The following CPAMD8 variants were observed in gnomAD, a reference collection of about 807,000 sequenced individuals.
The protein encoded by CPAMD8 is C3 and PZP-like alpha-2-macroglobulin domain-containing protein 8.
Under a neutral mutation model 224.7 loss-of-function variants are expected in CPAMD8, and 146 were observed. The observed-to-expected ratio is 0.65, with a 90% CI of 0.57 to 0.75. CPAMD8 has a LOEUF of 0.75. CPAMD8 is among the 30% of genes least tolerant of loss of function. The pLI is 0.00. For synonymous variants in CPAMD8, 966 were observed against 1,044.6 expected, an observed-to-expected ratio of 0.92 and a Z score of 1.45; for missense variants, 2,301 against 2,537.5, an observed-to-expected ratio of 0.91 and a Z score of 2.00.
intron 11 of CPAMD8, among the ~76,000 whole-genome samples, chr19:16,996,763 G>A (rs2056136889): frequency 6.7e-6 from 1 of 148,536 alleles, no homozygotes; most frequent in South Asian, 2.1e-4. Flanking sequence ...AGGTTGCAGT[G>A]AGCCGAGATG....
At chr19:17,001,242 G>A (rs1306573407) in intron 9 of CPAMD8, among the ~76,000 whole-genome samples, 1 of 145,446 alleles carries the variant, frequency 6.9e-6, no homozygotes, top group Non-Finnish European at 1.5e-5. Context: ...AGAATCAATT[G>A]AGCCCGGTAG....
intron 13 of CPAMD8, among the ~76,000 whole-genome samples, chr19:16,984,173 T>G (rs541562825): frequency 6.6e-6 from 1 of 151,932 alleles, no homozygotes; most frequent in South Asian, 2.1e-4. Flanking sequence ...AGTTGGTCTG[T>G]GGGTGGTGGC....
Position 16,939,872 on chromosome 19 carries a change from C to CT in CPAMD8, c.2794-1427dup, listed in dbSNP as rs374129699. The stretch of plus-strand genomic sequence containing the variant: ...ACCACTGGCTTTACTGGGTCTTTAG[C>CT]TTTTTTGTTGTTGTTGTTGTTGTTT... On this transcript the variant is annotated intron_variant, in intron 22 of 41. Transcript: ENST00000443236. Among the ~76,000 whole-genome samples the CT allele has an allele frequency of 1.2e-3, 180 of 151,870 alleles. 3 individuals are homozygous for CT. Among genetic ancestry groups the CT allele is most frequent in the African/African-American group, 4.2e-3 (172 of 41,432 alleles).
At chr19:16,945,503 G>A in intron 22 of CPAMD8, 46 bp downstream of exon 22, 2 of 1,596,584 alleles carry the variant, frequency 1.3e-6, no homozygotes, top group South Asian at 1.1e-5. Context: ...CATGGCTGAA[G>A]GAATGAGGCC....
rs1417390688 is a variant in CPAMD8 at position 17,022,026 on chromosome 19, C to A, written c.244+4G>T. The A allele has an allele frequency of 6.3e-7, 1 of 1,597,466 alleles. No homozygotes were observed. Among genetic ancestry groups the A allele is most frequent in the Non-Finnish European group, 8.5e-7 (1 of 1,172,278 alleles). ...AGTCCTGGTCTGGCACCCAAGGGAC[C>A]TACCCAGGATGGCTCCCTGGCTCTG... On this transcript the variant is annotated splice_donor_region_variant and intron_variant, in intron 2 of 41. Coordinates refer to ENST00000443236, the MANE Select transcript of CPAMD8 (RefSeq NM_015692.5).
At chr19:16,894,565 C>A (rs564508841) in intron 41 of CPAMD8, 4 of 439,068 alleles carry the variant, frequency 9.1e-6, no homozygotes, top group African/African-American at 2.0e-5. Context: ...GATGGCAGAA[C>A]CCCAACTGGA....
intron 22 of CPAMD8, among the ~76,000 whole-genome samples, chr19:16,939,092 CA>C (rs1295332328): frequency 6.6e-6 from 1 of 152,222 alleles, no homozygotes; most frequent in African/African-American, 2.4e-5. Flanking sequence ...AAAGGGTTAA[CA>C]TGGGGCAGCT....
chr19:16,977,318 AG>A (rs1243175791), intron 15 of CPAMD8, 49 bp downstream of exon 15: 3 of 1,325,910 alleles, frequency 2.3e-6, no homozygotes, highest in Admixed American at 3.6e-5. Flanking sequence ...ACCTTGGAGA[AG>A]CCCCGATGGC....
At chr19:16,977,689 C>T in intron 14 of CPAMD8, 149 bp from the exon 15 acceptor site, 1 of 595,698 alleles carries the variant, frequency 1.7e-6, no homozygotes, top group East Asian at 3.0e-5. Flanking sequence ...GATGCCCTTC[C>T]CAGGCTACAT....
At chr19:17,020,732 C>T (rs928061546) in intron 2 of CPAMD8, among the ~76,000 whole-genome samples, 1 of 152,150 alleles carries the variant, frequency 6.6e-6, no homozygotes, top group Non-Finnish European at 1.5e-5. Context: ...ACTGAGGTCC[C>T]CAGTGGACCT....
rs567314671 is a variant in CPAMD8, at chr19:17,012,200, G to A, written c.268-443C>T. ...TGCCTGGCTAATTTTTATGTTTTTA[G>A]TAGAAACGGGGTTTCACCATGTTGG... is the stretch of plus-strand genomic sequence containing the variant. On this transcript the variant is annotated intron_variant, in intron 3 of 41. Coordinates refer to ENST00000443236, the MANE Select transcript of CPAMD8 (RefSeq NM_015692.5). Among the ~76,000 whole-genome samples the A allele has an allele frequency of 2.0e-5, 3 of 152,082 alleles. No homozygotes were observed. In the East Asian group the frequency reaches 5.8e-4, roughly 29 times the overall value.
intron 12 of CPAMD8, among the ~76,000 whole-genome samples, chr19:16,991,307 T>C (rs918726316): frequency 3.3e-5 from 5 of 151,978 alleles, no homozygotes; most frequent in Admixed American, 1.3e-4. Flanking sequence ...AATTAAAAGG[T>C]GGTAGGGTAG....
chr19:16,903,159 A>G (rs918795903), intron 34 of CPAMD8, among the ~76,000 whole-genome samples: 9 of 152,028 alleles, frequency 5.9e-5, no homozygotes, highest in Non-Finnish European at 1.2e-4. Flanking sequence ...CATTTTAGAG[A>G]TCAGAAAACG....
chr19:17,007,087 C>T (rs1199448612), intron 7 of CPAMD8, among the ~76,000 whole-genome samples: 1 of 151,994 alleles, frequency 6.6e-6, no homozygotes, highest in East Asian at 1.9e-4. Flanking sequence ...AATCCCAGCA[C>T]TTTTCCGAGG....
chr19:16,928,139 G>T lies in CPAMD8; in HGVS notation c.3240C>A (p.Gly1080=). ...TTCGGAATTCACCCATGGAGCCCCA[G>T]CCGGTGGAAAAGCCAATGAACTGGA... The part of the protein sequence containing the change: ...PEVQFIGFST[G]WGSMGEFRIW... The change falls in exon 25 of 42, where the codon GGC becomes GGA. Residue 1080 remains glycine (G), a synonymous_variant. Transcript: ENST00000443236. The T allele has an allele frequency of 6.2e-7, 1 of 1,614,156 alleles. No homozygotes were observed. The highest frequency in any genetic ancestry group is 8.5e-7 in the Non-Finnish European group (1 of 1,180,038).
rs1277711219 is a variant in CPAMD8, at chr19:16,903,645, A to G, written c.4408-22T>C. The G allele has an allele frequency of 1.4e-5, 22 of 1,613,950 alleles. 1 individual carries two copies. The highest frequency in any genetic ancestry group is 1.8e-5 in the Non-Finnish European group (21 of 1,179,998). ...GGATCTGGAGACAGAAGTCACCGTG[A>G]GGCCCTGCTGACCCCTCCTCCAACA... On this transcript the variant is annotated intron_variant, in intron 33 of 41. Coordinates refer to ENST00000443236, the MANE Select transcript of CPAMD8 (RefSeq NM_015692.5).
chr19:16,927,883 T>C, intron 25 of CPAMD8, 126 bp downstream of exon 25: 1 of 694,116 alleles, frequency 1.4e-6, no homozygotes, highest in East Asian at 2.6e-5. Context: ...GTCAGGTGAG[T>C]GGGTGTATGG....
chr19:16,903,121 C>A (rs1365006817), intron 34 of CPAMD8, among the ~76,000 whole-genome samples: 1 of 152,086 alleles, frequency 6.6e-6, no homozygotes, highest in Non-Finnish European at 1.5e-5. Flanking sequence ...AGGGGTCTCC[C>A]TCTCATCCAC....
At chr19:16,966,162 G>A (rs2054821470) in intron 18 of CPAMD8, among the ~76,000 whole-genome samples, 1 of 152,148 alleles carries the variant, frequency 6.6e-6, no homozygotes, top group African/African-American at 2.4e-5. Flanking sequence ...CAATGGAACA[G>A]AACAGAGGCC....
Sources: allele counts gnomAD v4.1 joint callset (sites outside exome capture counted in the v4.1 genomes callset), GRCh38; gene constraint gnomAD v4.1.1; transcripts MANE v1.5; gene names NCBI Gene and HGNC (gene_info 2026-07-23, HGNC 2026-07-21).